SLC25A21: variants seen among roughly 807,000 people sequenced by gnomAD.
SLC25A21 encodes solute carrier family 25 member 21, also known as mitochondrial 2-oxodicarboxylate carrier.
In SLC25A21, 47 loss-of-function variants were observed where a neutral mutation model predicts 43.8. The observed-to-expected ratio is 1.07, with a 90% CI of 0.85 to 1.37. The LOEUF is 1.37. SLC25A21 is among the 40% of genes most tolerant of loss of function. SLC25A21 has a pLI of 0.00. For synonymous variants in SLC25A21, 131 were observed against 121.3 expected (o/e 1.08, Z -0.52); for missense variants, 352 against 350.2 (o/e 1.00, Z -0.04).
intron 1 of SLC25A21, among the ~76,000 whole-genome samples, chr14:36,916,871 C>T (rs1040180627): frequency 6.6e-6 from 1 of 152,032 alleles, no homozygotes; most frequent in African/African-American, 2.4e-5. Flanking sequence ...TCTTCCTACC[C>T]CACCCTAAAT....
intron 1 of SLC25A21, among the ~76,000 whole-genome samples, chr14:36,942,051 T>C (rs1213767696): frequency 1.3e-5 from 2 of 151,624 alleles, no homozygotes; most frequent in Admixed American, 6.6e-5. Flanking sequence ...AAATATGCCA[T>C]CACCACTTTA....
chr14:36,819,431 G>A (rs1180763933), intron 2 of SLC25A21, among the ~76,000 whole-genome samples: 3 of 151,774 alleles, frequency 2.0e-5, no homozygotes, highest in East Asian at 1.9e-4. Context: ...GCAGCATTTC[G>A]CACTGTCTTC....
chr14:36,912,928 C>T (rs922638053), intron 1 of SLC25A21, among the ~76,000 whole-genome samples: 3 of 152,156 alleles, frequency 2.0e-5, no homozygotes, highest in African/African-American at 7.2e-5. Context: ...TTTATCTATG[C>T]TGTCATACCA....
At chr14:36,762,545 C>T (rs1886200317) in intron 3 of SLC25A21, among the ~76,000 whole-genome samples, 2 of 152,238 alleles carry the variant, frequency 1.3e-5, no homozygotes, top group Non-Finnish European at 2.9e-5. Flanking sequence ...AAGGCTCATA[C>T]TTCCCTGAAT....
intron 3 of SLC25A21, among the ~76,000 whole-genome samples, chr14:36,773,341 T>C (rs1003399370): frequency 2.0e-5 from 3 of 152,178 alleles, no homozygotes; most frequent in Non-Finnish European, 4.4e-5. Context: ...GCCATATCAA[T>C]TAACATTCAT....
Position 36,678,813 on chromosome 14 carries a change from A to C in SLC25A21, c.*1845T>G. 1.0e-6 allele frequency: 1 copy of C among 999,362 alleles called. No homozygotes were observed. Among genetic ancestry groups the C allele is most frequent in the South Asian group, 4.7e-5 (1 of 21,064 alleles). The allele number at this position is 999,362 out of a possible 1,614,324, so 61.9% of individuals were successfully genotyped here. On this transcript the variant is annotated 3_prime_UTR_variant, in exon 10 of 10. Transcript: ENST00000331299. ...TATTGAAGTTTCCTTTTCTCCCTCT[A>C]GGTCTTAACAGTGAATTCACATGGA...
At chr14:37,132,126 T>C (rs563093973) in intron 1 of SLC25A21, among the ~76,000 whole-genome samples, 1 of 152,320 alleles carries the variant, frequency 6.6e-6, no homozygotes, top group Admixed American at 6.5e-5. Flanking sequence ...CGTGTGAGAA[T>C]GCAAGAGCAA....
chr14:36,863,760 C>T (rs1287786246), intron 2 of SLC25A21, among the ~76,000 whole-genome samples: 1 of 152,214 alleles, frequency 6.6e-6, no homozygotes, highest in Admixed American at 6.5e-5. Context: ...CCTTCAGCTC[C>T]TCCTTTTTCC....
chr14:36,865,523 C>CAA (rs1201280038), intron 2 of SLC25A21, among the ~76,000 whole-genome samples: 1 of 151,962 alleles, frequency 6.6e-6, no homozygotes, highest in African/African-American at 2.4e-5. Context: ...CACTTCCACT[C>CAA]ACGGTGAACA....
At chr14:36,796,938 A>G (rs1024821418) in intron 3 of SLC25A21, among the ~76,000 whole-genome samples, 2 of 152,144 alleles carry the variant, frequency 1.3e-5, no homozygotes, top group African/African-American at 2.4e-5. Flanking sequence ...ACCACTCCTT[A>G]GCGGCCTTTA....
intron 1 of SLC25A21, among the ~76,000 whole-genome samples, chr14:37,152,797 A>G (rs936451251): frequency 1.1e-4 from 17 of 152,332 alleles, no homozygotes; most frequent in Non-Finnish European, 2.5e-4. Context: ...TTTTTGAGGA[A>G]AGGGAAAGTG....
intron 1 of SLC25A21, chr14:37,098,352 T>C (rs962004235): frequency 6.6e-6 from 1 of 152,102 alleles, no homozygotes; most frequent in Non-Finnish European, 1.5e-5. Context: ...CAGTTCCCAC[T>C]TTACTCAGGG....
chr14:37,085,966 G>T (rs1404837103), intron 1 of SLC25A21, among the ~76,000 whole-genome samples: 1 of 152,110 alleles, frequency 6.6e-6, no homozygotes, highest in Non-Finnish European at 1.5e-5. Flanking sequence ...TTAGCCGGGC[G>T]TGGTGGCGGG....
At chr14:36,829,074 G>C (rs1888940410) in intron 2 of SLC25A21, among the ~76,000 whole-genome samples, 1 of 151,838 alleles carries the variant, frequency 6.6e-6, no homozygotes, top group Admixed American at 6.6e-5. Context: ...AATTTTTTTA[G>C]TTTAGTAGAG....
chr14:36,978,078 G>A (rs775601374), intron 1 of SLC25A21, among the ~76,000 whole-genome samples: 1 of 152,026 alleles, frequency 6.6e-6, no homozygotes, highest in African/African-American at 2.4e-5. Context: ...TGATTATAAA[G>A]TGCTATTAAT....
chr14:37,047,788 AATTTCATGCAAGGTAG>A (rs1452072475), intron 1 of SLC25A21, among the ~76,000 whole-genome samples: 3 of 152,154 alleles, frequency 2.0e-5, no homozygotes, highest in Non-Finnish European at 4.4e-5. Flanking sequence ...ACCTTTCTTG[AATTTCATGCAAGGTAG>A]ATGTGATTTC....
intron 1 of SLC25A21, among the ~76,000 whole-genome samples, chr14:37,040,052 T>G (rs1002540735): frequency 2.7e-5 from 4 of 149,246 alleles, no homozygotes; most frequent in African/African-American, 7.5e-5. Context: ...AAAAAAAAAT[T>G]AGCTGCGTGT....
chr14:36,785,445 G>C (rs1260240187), intron 3 of SLC25A21, among the ~76,000 whole-genome samples: 1 of 152,204 alleles, frequency 6.6e-6, no homozygotes, highest in Non-Finnish European at 1.5e-5. Context: ...CATGTGAATA[G>C]TAGAGATGTA....
chr14:37,148,938 G>A (rs558792525), intron 1 of SLC25A21, among the ~76,000 whole-genome samples: 4 of 152,210 alleles, frequency 2.6e-5, no homozygotes, highest in East Asian at 1.9e-4. Context: ...GCTGGATGAC[G>A]GCTATTTAAA....
Sources: allele counts gnomAD v4.1 joint callset (sites outside exome capture counted in the v4.1 genomes callset), GRCh38; gene constraint gnomAD v4.1.1; transcripts MANE v1.5; gene names NCBI Gene and HGNC (gene_info 2026-07-23, HGNC 2026-07-21).